Variants in SLC17A5 observed in about 807,000 individuals in gnomAD.
SLC17A5 encodes the protein sialin.
SLC17A5 carries 47 observed loss-of-function variants against 59.4 expected under a neutral mutation model. The observed-to-expected ratio is 0.79, with a 90% CI of 0.63 to 1.01. The LOEUF is 1.01. Among genes scored for constraint, SLC17A5 ranks in the 50% least tolerant of loss-of-function variants. The probability of loss-of-function intolerance (pLI) is 0.00; values close to 1 mark genes in which losing one functional copy is unlikely to be tolerated. For missense variants in SLC17A5, 522 were observed against 595.5 expected (o/e 0.88, Z 1.28); for synonymous variants, 202 against 210.7 (o/e 0.96, Z 0.36).
chr6:73,600,604 G>A (rs1049056622), intron 9 of SLC17A5, among the ~76,000 whole-genome samples, 163 bp from the exon 10 acceptor site: 1 of 150,860 alleles, frequency 6.6e-6, no homozygotes, highest in Non-Finnish European at 1.5e-5. Flanking sequence ...TGCCTCCCGG[G>A]TTCAAGCATG....
At chr6:73,620,868 T>C (rs1342589551) in intron 7 of SLC17A5, among the ~76,000 whole-genome samples, 1 of 151,964 alleles carries the variant, frequency 6.6e-6, no homozygotes. Flanking sequence ...ATTACAGGTG[T>C]AGGCCACCAT....
chr6:73,615,800 T>C (rs766819161), intron 7 of SLC17A5, among the ~76,000 whole-genome samples: 3 of 152,046 alleles, frequency 2.0e-5, no homozygotes, highest in African/African-American at 7.2e-5. Flanking sequence ...TTCTCACTCA[T>C]TTATTTAAAA....
In SLC17A5 at chr6:73,600,420, G is replaced by A; in HGVS notation, c.1281C>T (p.Gly427=). Residue 427 remains glycine, a synonymous_variant, in exon 10 of 11, where the codon GGC becomes GGT. Coordinates refer to ENST00000355773, the MANE Select transcript of SLC17A5 (RefSeq NM_012434.5). The part of the protein sequence containing the change: ...IAPSYAGILL[G]ITNTFATIPG... Reference sequence around the variant, plus strand: ...GAATAGTGGCAAATGTATTTGTGATGCCCAGGAGGATACCAGCATACCTGT... The same window carrying A: ...GAATAGTGGCAAATGTATTTGTGATACCCAGGAGGATACCAGCATACCTGT... The A allele has an allele frequency of 6.2e-7, 1 of 1,613,750 alleles. No homozygotes were observed. The highest frequency in any genetic ancestry group is 8.5e-7 in the Non-Finnish European group (1 of 1,179,754).
Position 73,640,935 on chromosome 6 carries a change from C to T in SLC17A5, c.525+756G>A, listed in dbSNP as rs568907807. ...AATATTTGTCTCTAAGTTACAAGAC[C>T]AGAAAAAATAAAAGAATAAGCGATA... On this transcript the variant is annotated intron_variant, in intron 3 of 10. Transcript: ENST00000355773. 2.6e-5 allele frequency among the ~76,000 whole-genome samples: 4 copies of T among 151,896 alleles called. No homozygotes were observed. In the South Asian group the frequency reaches 8.3e-4, roughly 32 times the overall value.
intron 9 of SLC17A5, among the ~76,000 whole-genome samples, chr6:73,605,630 A>AACACAC (rs3045763): frequency 0.062 from 8,994 of 145,832 alleles, 458 homozygotes; most frequent in African/African-American, 0.14. Flanking sequence ...GCAAGGTTTA[A>AACACAC]ACACACACAC....
Position 73,603,929 on chromosome 6 carries a change from C to CAA in SLC17A5, c.1260-3490_1260-3489dup, listed in dbSNP as rs71542210. ...AAAAAACAAAAACAAAAACAAAAAA[C>CAA]AAAAAAAAAACACTTAAAGGAGAAG... On this transcript the variant is annotated intron_variant, in intron 9 of 10. Coordinates refer to ENST00000355773, the MANE Select transcript of SLC17A5 (RefSeq NM_012434.5). 7.5e-3 allele frequency among the ~76,000 whole-genome samples: 1,090 copies of CAA among 145,918 alleles called. 6 individuals are homozygous for CAA. The highest frequency in any genetic ancestry group is 0.014 in the African/African-American group (569 of 39,926).
At chr6:73,645,513 A>G (rs972924732) in intron 1 of SLC17A5, 3 of 984,724 alleles carry the variant, frequency 3.0e-6, no homozygotes, top group East Asian at 1.1e-4. Flanking sequence ...GATGCCGGGC[A>G]CAGTGGCTCA....
At chr6:73,650,151 A>C (rs1030835727) in intron 1 of SLC17A5, among the ~76,000 whole-genome samples, 3 of 149,418 alleles carry the variant, frequency 2.0e-5, no homozygotes, top group African/African-American at 7.5e-5. Flanking sequence ...ACTTGAGCCC[A>C]GGAGTTTGAG....
intron 9 of SLC17A5, among the ~76,000 whole-genome samples, chr6:73,606,480 C>T (rs568422): frequency 6.6e-6 from 1 of 152,104 alleles, no homozygotes; most frequent in African/African-American, 2.4e-5. Context: ...TGTTACTAAA[C>T]CTGTTTAGCT....
intron 4 of SLC17A5, among the ~76,000 whole-genome samples, chr6:73,636,985 G>C (rs1769036318): frequency 6.6e-6 from 1 of 151,984 alleles, no homozygotes; most frequent in Non-Finnish European, 1.5e-5. Flanking sequence ...TTAGCTACTT[G>C]GGAGGTTGAG....
At chr6:73,626,856 C>T (rs1768443089) in intron 6 of SLC17A5, among the ~76,000 whole-genome samples, 1 of 152,168 alleles carries the variant, frequency 6.6e-6, no homozygotes, top group Non-Finnish European at 1.5e-5. Flanking sequence ...ACTACAACCT[C>T]CGCCTCCTGG....
Position 73,595,100 on chromosome 6 carries a change from C to T in SLC17A5, c.1465G>A (p.Asp489Asn), listed in dbSNP as rs779656808. Residue 489 changes from aspartate (D) to asparagine (N), a missense_variant, in exon 11 of 11, where the codon GAT becomes AAT. By Grantham distance (23) the Asp-to-Asn change is conservative. Transcript: ENST00000355773. Reference protein sequence around the residue: ...KGEVQNWALNDHHGHRH With the variant: ...KGEVQNWALNNHHGHRH ...CTTCAGTGTCTGTGTCCATGGTGAT[C>T]ATTGAGAGCCCAGTTTTGTACTTCA... is the stretch of plus-strand genomic sequence containing the variant. The T allele has an allele frequency of 6.2e-7, 1 of 1,614,114 alleles. No homozygotes were observed. Among genetic ancestry groups the T allele is most frequent in the South Asian group, 1.1e-5 (1 of 91,068 alleles).
intron 6 of SLC17A5, among the ~76,000 whole-genome samples, chr6:73,633,932 G>T (rs1768884059): frequency 6.6e-6 from 1 of 151,634 alleles, no homozygotes; most frequent in South Asian, 2.1e-4. Flanking sequence ...AATTTAATAG[G>T]AAAAGTCTTA....
At chr6:73,646,201 G>C (rs1769553726) in intron 1 of SLC17A5, among the ~76,000 whole-genome samples, 3 of 152,034 alleles carry the variant, frequency 2.0e-5, no homozygotes, top group Admixed American at 2.0e-4. Flanking sequence ...TAAGAATCCT[G>C]GTGTTTTCAT....
chr6:73,636,737 A>C, intron 4 of SLC17A5, 30 bp from the exon 5 acceptor site: 1 of 1,500,952 alleles, frequency 6.7e-7, no homozygotes, highest in Non-Finnish European at 9.3e-7. Flanking sequence ...TATTTTATAA[A>C]CTTTGGAGAG....
chr6:73,611,090 A>G (rs1767620584), intron 8 of SLC17A5, among the ~76,000 whole-genome samples: 1 of 152,050 alleles, frequency 6.6e-6, no homozygotes, highest in Non-Finnish European at 1.5e-5. Flanking sequence ...GAAATATTAA[A>G]AACAAAATTC....
In SLC17A5 at chr6:73,595,870, G is replaced by A. The variant is rs532292859; in HGVS notation, c.1351-656C>T. On this transcript the variant is annotated intron_variant, in intron 10 of 10. Coordinates refer to ENST00000355773, the MANE Select transcript of SLC17A5 (RefSeq NM_012434.5). ...TGGGATTAGAGGTGCATGCTACCATGCCTGGCTAATTTTCTTTGTGTGTGT... is the reference window on the plus strand; with the variant it reads ...TGGGATTAGAGGTGCATGCTACCATACCTGGCTAATTTTCTTTGTGTGTGT... Among the ~76,000 whole-genome samples the A allele has an allele frequency of 3.3e-5, 5 of 151,088 alleles. No individual in the cohort carries two copies. In the South Asian group the frequency reaches 1.0e-3, roughly 32 times the overall value.
chr6:73,643,067 C>T (rs928499940), intron 2 of SLC17A5, among the ~76,000 whole-genome samples: 6 of 152,028 alleles, frequency 3.9e-5, no homozygotes, highest in African/African-American at 1.2e-4. Flanking sequence ...GAATGCTCTG[C>T]TTGTGAATGA....
chr6:73,621,382 A>G (rs955834637), intron 7 of SLC17A5, among the ~76,000 whole-genome samples: 1 of 151,984 alleles, frequency 6.6e-6, no homozygotes, highest in Non-Finnish European at 1.5e-5. Flanking sequence ...CAAGTAATCC[A>G]CCTGCCTCGA....
Sources: gnomAD v4.1 joint callset for allele counts (sites outside exome capture counted in the v4.1 genomes callset) on GRCh38, gnomAD v4.1.1 for gene constraint, MANE v1.5 for transcripts, NCBI Gene and HGNC (gene_info 2026-07-23, HGNC 2026-07-21) for gene names.